The following ARHGAP21 variants were observed in gnomAD, a reference collection of about 807,000 sequenced individuals.
The protein encoded by ARHGAP21 is Rho GTPase activating protein 21, also known as rho GTPase-activating protein 21.
In ARHGAP21, 38 loss-of-function variants were observed where a neutral mutation model predicts 164.6. That is an observed-to-expected ratio of 0.23 (90% CI 0.18 to 0.30). The LOEUF (loss-of-function observed/expected upper bound fraction) is 0.30, where lower values mean the gene tolerates loss of function less well. Among genes scored for constraint, ARHGAP21 ranks in the 10% least tolerant of loss-of-function variants. ARHGAP21 has a pLI of 1.00. For missense variants in ARHGAP21, 1,822 were observed against 2,370.7 expected (o/e 0.77, Z 4.81); for synonymous variants, 766 against 857.9 (o/e 0.89, Z 1.87).
Position 24,604,321 on chromosome 10 carries a change from CT to C in ARHGAP21, c.2711del (p.Lys904ArgfsTer92). On this transcript the variant is annotated frameshift_variant, in exon 12 of 26. Coordinates refer to ENST00000396432, the MANE Select transcript of ARHGAP21 (RefSeq NM_020824.4). LOFTEE classifies it high-confidence loss of function. ...ACACTCTAATACCAACCTTGATTCC[CT>C]TCAGACTAGATACGTGCTTAAAGGA... ...KLSFKHVSSL[K>X]GIKIADSQKS... 1 of 1,590,712 alleles carries C rather than the reference CT, an allele frequency of 6.3e-7. No homozygotes were observed. The highest frequency in any genetic ancestry group is 8.6e-7 in the Non-Finnish European group (1 of 1,169,312).
At chr10:24,652,863 T>C (rs1838333364) in intron 4 of ARHGAP21, among the ~76,000 whole-genome samples, 1 of 152,174 alleles carries the variant, frequency 6.6e-6, no homozygotes, top group Admixed American at 6.5e-5. Context: ...TAGCGGCATC[T>C]ACTAAATGTA....
At chr10:24,658,927 AC>A (rs1217790260) in intron 4 of ARHGAP21, among the ~76,000 whole-genome samples, 10 of 152,246 alleles carry the variant, frequency 6.6e-5, no homozygotes, top group African/African-American at 2.2e-4. Flanking sequence ...CGACAAGCAC[AC>A]AAAAAGATGC....
chr10:24,586,818 C>T (rs1323205853), intron 25 of ARHGAP21, among the ~76,000 whole-genome samples: 1 of 152,076 alleles, frequency 6.6e-6, no homozygotes, highest in East Asian at 1.9e-4. Context: ...GAGGCTGAGG[C>T]GGGCAGATTG....
In ARHGAP21 at chr10:24,619,956, T is replaced by C. The variant is rs1834378554; in HGVS notation, c.1939A>G (p.Lys647Glu). 6.2e-7 allele frequency: 1 copy of C among 1,614,002 alleles called. No individual in the cohort carries two copies. The highest frequency in any genetic ancestry group is 8.5e-7 in the Non-Finnish European group (1 of 1,179,982). Residue 647 changes from lysine (K) to glutamate (E), a missense_variant, in exon 9 of 26, where the codon AAA (lysine) becomes GAA (glutamate). Coordinates refer to ENST00000396432, the MANE Select transcript of ARHGAP21 (RefSeq NM_020824.4). ...SFSQKSFVSI[K>E]DQRPVNHLHQ... ...AAGTGATTTACTGGTCTTTGGTCTTTGATAGAAACAAATGATTTCTGGCTA... is the reference window on the plus strand; with the variant it reads ...AAGTGATTTACTGGTCTTTGGTCTTCGATAGAAACAAATGATTTCTGGCTA...
chr10:24,707,167 C>T (rs1844321480), intron 2 of ARHGAP21, among the ~76,000 whole-genome samples: 2 of 152,162 alleles, frequency 1.3e-5, no homozygotes, highest in African/African-American at 4.8e-5. Context: ...TACTTCTTTG[C>T]AAAAGGCAAT....
chr10:24,628,531 C>G (rs886861248), intron 7 of ARHGAP21, among the ~76,000 whole-genome samples: 9 of 151,824 alleles, frequency 5.9e-5, no homozygotes, highest in African/African-American at 1.9e-4. Context: ...TCCATTACCA[C>G]GACAAAGAGT....
chr10:24,610,728 G>T (rs1207266483), intron 9 of ARHGAP21, among the ~76,000 whole-genome samples: 1 of 152,086 alleles, frequency 6.6e-6, no homozygotes, highest in East Asian at 1.9e-4. Flanking sequence ...ACATCTTAAA[G>T]ATTTCATATT....
rs148825465 is a variant in ARHGAP21, at chr10:24,585,381, G to T, written c.4908C>A (p.Asp1636Glu). The T allele has an allele frequency of 5.6e-6, 9 of 1,613,852 alleles. No individual in the cohort carries two copies. The highest frequency in any genetic ancestry group is 1.3e-5 in the African/African-American group (1 of 74,916). ...GGAACACGGGAAACTCGCTCTCGCT[G>T]TCGGTTTCCACAGGCCGCCCTTCAC... Reference protein sequence around the residue: ...LISEGRPVETDSESEFPVFPT... With the variant: ...LISEGRPVETESESEFPVFPT... Residue 1636 changes from aspartate (D) to glutamate (E), a missense_variant, in exon 26 of 26, where the codon GAC becomes GAA. Asp to Glu is a conservative substitution (Grantham distance 45). This residue lies in a region of ARHGAP21 where 333 missense variants were observed against 383.9 expected (regional missense o/e 0.87). Coordinates refer to ENST00000396432, the MANE Select transcript of ARHGAP21 (RefSeq NM_020824.4).
rs1262855985 is a variant in ARHGAP21, at chr10:24,596,875, G to A, written c.3342C>T (p.Thr1114=). The part of the protein sequence containing the change: ...SERKLLSKDD[T]SPPKDKGTWR... ...ATGTGCCTTTGTCTTTTGGGGGACT[G>A]GTATCATCTTTTGATTGCCAGTCAA... Residue 1114 remains threonine (T), a synonymous_variant, in exon 17 of 26, where the codon ACC becomes ACT. Transcript: ENST00000396432. 11 of 1,595,488 alleles carry A rather than the reference G, an allele frequency of 6.9e-6. No homozygotes were observed. Among genetic ancestry groups the A allele is most frequent in the Admixed American group, 1.8e-5 (1 of 54,450 alleles).
Position 24,620,183 on chromosome 10 carries a change from C to A in ARHGAP21, c.1712G>T (p.Arg571Leu). Residue 571 changes from arginine to leucine, a missense_variant, in exon 9 of 26, where the codon CGA becomes CTA. Arg to Leu is a moderately radical substitution (Grantham distance 102). This residue lies in a region of ARHGAP21 where 1,090 missense variants were observed against 1,378.9 expected (regional missense o/e 0.79). Coordinates refer to ENST00000396432, the MANE Select transcript of ARHGAP21 (RefSeq NM_020824.4). ...APSVVNSDNR[R>L]MSGRGVGSVS... ...AGATCCCACTCCTCTACCACTCATT[C>A]GCCTGTTATCAGAATTAACAACGCT... is the stretch of plus-strand genomic sequence containing the variant. The A allele has an allele frequency of 6.2e-7, 1 of 1,613,932 alleles. No homozygotes were observed. The highest frequency in any genetic ancestry group is 8.5e-7 in the Non-Finnish European group (1 of 1,179,864).
intron 2 of ARHGAP21, among the ~76,000 whole-genome samples, chr10:24,717,575 G>A (rs1845511045): frequency 6.6e-6 from 1 of 152,024 alleles, no homozygotes; most frequent in Admixed American, 6.5e-5. Context: ...GAGGGAGGAG[G>A]AACAGGGGAC....
intron 2 of ARHGAP21, among the ~76,000 whole-genome samples, chr10:24,694,603 A>G (rs1415539606): frequency 6.6e-6 from 1 of 152,170 alleles, no homozygotes; most frequent in South Asian, 2.1e-4. Context: ...AGTATATCCT[A>G]TGTGGCTCCG....
At chr10:24,694,046 A>AT (rs1409453206) in intron 2 of ARHGAP21, among the ~76,000 whole-genome samples, 1 of 152,066 alleles carries the variant, frequency 6.6e-6, no homozygotes, top group African/African-American at 2.4e-5. Context: ...CTGAAACTTC[A>AT]TTTTTTTCTA....
chr10:24,658,154 T>C lies in ARHGAP21; in HGVS notation c.268+8831A>G, dbSNP rs148568680. On this transcript the variant is annotated intron_variant, in intron 4 of 25. Coordinates refer to ENST00000396432, the MANE Select transcript of ARHGAP21 (RefSeq NM_020824.4). The stretch of plus-strand genomic sequence containing the variant: ...CATCTCACACCAGTTAGAATGGCGA[T>C]CTTTAAAAAGTCAGGAAACAACAGG... Among the ~76,000 whole-genome samples, 139 of 151,876 alleles carry C rather than the reference T, an allele frequency of 9.2e-4. No homozygotes were observed. In the Middle Eastern group the frequency reaches 0.01, roughly 11 times the overall value.
rs544765002 is a variant in ARHGAP21 at position 24,630,933 on chromosome 10, A to G, written c.441-883T>C. Among the ~76,000 whole-genome samples the G allele has an allele frequency of 2.0e-5, 3 of 152,240 alleles. No homozygotes were observed. The South Asian group carries it at 6.2e-4, about 32-fold the overall frequency. ...TCAACTATTTGCTTTTTTCCCTATG[A>G]TTTACTTTTAGTGCCTTTACAGGGA... On this transcript the variant is annotated intron_variant, in intron 6 of 25. Transcript: ENST00000396432.
intron 2 of ARHGAP21, among the ~76,000 whole-genome samples, chr10:24,699,704 A>G (rs1203621645): frequency 6.6e-6 from 1 of 151,872 alleles, no homozygotes; most frequent in African/African-American, 2.4e-5. Flanking sequence ...AAGCACCCAG[A>G]CTTTGGAGTC....
At chr10:24,642,022 G>A (rs948776072) in intron 4 of ARHGAP21, among the ~76,000 whole-genome samples, 19 of 150,288 alleles carry the variant, frequency 1.3e-4, no homozygotes, top group East Asian at 3.9e-4. Flanking sequence ...AAGTTTTACC[G>A]TGGAAATGTC....
At chr10:24,653,328 A>C (rs1219757312) in intron 4 of ARHGAP21, among the ~76,000 whole-genome samples, 1 of 152,142 alleles carries the variant, frequency 6.6e-6, no homozygotes, top group African/African-American at 2.4e-5. Context: ...TAATCCCAGC[A>C]CTTTGGGAGG....
intron 2 of ARHGAP21, among the ~76,000 whole-genome samples, chr10:24,686,714 T>C (rs1842245058): frequency 1.3e-5 from 2 of 152,210 alleles, no homozygotes; most frequent in Admixed American, 1.3e-4. Context: ...ATAATGAACA[T>C]GCACGCAAGC....
Sources: allele counts gnomAD v4.1 joint callset (sites outside exome capture counted in the v4.1 genomes callset), GRCh38; gene constraint gnomAD v4.1.1; regional missense constraint gnomAD v4.1.1; transcripts MANE v1.5; gene names NCBI Gene and HGNC (gene_info 2026-07-23, HGNC 2026-07-21).